Variants in CPSF2 observed in about 807,000 individuals in gnomAD.
The protein encoded by CPSF2 is cleavage and polyadenylation specific factor 2.
Under a neutral mutation model 84.2 loss-of-function variants are expected in CPSF2, and 51 were observed. The ratio of observed to expected loss-of-function variants is 0.61; its 90% confidence interval spans 0.48 to 0.77. The LOEUF is 0.77. Among genes scored for constraint, CPSF2 ranks in the 30% least tolerant of loss-of-function variants. The pLI is 0.00. For synonymous variants in CPSF2, 286 were observed against 311.9 expected (o/e 0.92, Z 0.87); for missense variants, 641 against 929.4 (o/e 0.69, Z 4.03).
intron 7 of CPSF2, among the ~76,000 whole-genome samples, 168 bp downstream of exon 7, chr14:92,138,515 C>T (rs1266728054): frequency 1.3e-5 from 2 of 151,928 alleles, no homozygotes; most frequent in African/African-American, 2.4e-5. Context: ...CTGTAACTTC[C>T]GCCTCCTGGG....
chr14:92,148,236 A>G (rs991842054), intron 9 of CPSF2, among the ~76,000 whole-genome samples: 12 of 152,214 alleles, frequency 7.9e-5, no homozygotes, highest in African/African-American at 2.7e-4. Context: ...AGATTCCCCA[A>G]TTGTCAACAT....
chr14:92,142,415 G>T (rs1294563196), intron 8 of CPSF2, 64 bp downstream of exon 8: 5 of 1,260,916 alleles, frequency 4.0e-6, no homozygotes, highest in Non-Finnish European at 5.5e-6. Context: ...GGAAGTGGGC[G>T]TCTTAAATGT....
intron 9 of CPSF2, among the ~76,000 whole-genome samples, chr14:92,146,251 G>A (rs2069142604): frequency 6.6e-6 from 1 of 152,230 alleles, no homozygotes; most frequent in Non-Finnish European, 1.5e-5. Context: ...GCTGGGCGTG[G>A]TGGCTCACGC....
chr14:92,133,174 C>G (rs1240225555), intron 3 of CPSF2, among the ~76,000 whole-genome samples: 1 of 152,102 alleles, frequency 6.6e-6, no homozygotes, highest in Non-Finnish European at 1.5e-5. Context: ...AATCTCAGCA[C>G]TTTGGGAGGC....
At chr14:92,139,530 T>C (rs575188625) in intron 7 of CPSF2, among the ~76,000 whole-genome samples, 1 of 151,438 alleles carries the variant, frequency 6.6e-6, no homozygotes, top group Non-Finnish European at 1.5e-5. Flanking sequence ...GCTTGCTTCA[T>C]CTTACATTCT....
At chr14:92,122,523 G>A (rs1378160348) in intron 1 of CPSF2, among the ~76,000 whole-genome samples, 1 of 152,196 alleles carries the variant, frequency 6.6e-6, no homozygotes, top group African/African-American at 2.4e-5. Flanking sequence ...TGGGTTGAGA[G>A]ACCACGAGGT....
Position 92,161,744 on chromosome 14 carries a change from A to T in CPSF2, c.2349A>T (p.Ter783TyrextTer3), listed in dbSNP as rs1567027897. ...DLLYEQYAIV[*>Y] is the part of the protein sequence containing the mutation. ...TATATGAACAATATGCCATTGTATA[A>T]AGGACATGATGTCAAGAAGTATCTG... The change falls in exon 16 of 16, where the codon TAA becomes TAT. Residue 783 changes from the stop codon to tyrosine (Y), a stop_lost. Coordinates refer to ENST00000298875, the MANE Select transcript of CPSF2 (RefSeq NM_017437.3). 3 of 1,524,184 alleles carry T rather than the reference A, an allele frequency of 2.0e-6. No homozygotes were observed. The highest frequency in any genetic ancestry group is 2.7e-6 in the Non-Finnish European group (3 of 1,120,678). The allele number at this position is 1,524,184 out of a possible 1,614,324, so 94.4% of individuals were successfully genotyped here.
Position 92,140,686 on chromosome 14 carries a change from C to A in CPSF2, c.662-1478C>A, listed in dbSNP as rs139794747. ...TGACCTCATGATCTGCCTGCCTTGG[C>A]CTCCCAAAGTGCTGGGATTATAGGT... is the stretch of plus-strand genomic sequence containing the variant. On this transcript the variant is annotated intron_variant, in intron 7 of 15. Coordinates refer to ENST00000298875, the MANE Select transcript of CPSF2 (RefSeq NM_017437.3). Among the ~76,000 whole-genome samples the A allele has an allele frequency of 6.9e-3, 1,012 of 147,708 alleles. 7 individuals are homozygous for A. Among genetic ancestry groups the A allele is most frequent in the Non-Finnish European group, 0.012 (804 of 66,614 alleles).
Position 92,164,361 on chromosome 14 carries a change from A to G in CPSF2, c.*2617A>G, listed in dbSNP as rs1567029473. The G allele has an allele frequency of 6.6e-6, 1 of 152,246 alleles. No individual in the cohort carries two copies. Among genetic ancestry groups the G allele is most frequent in the Non-Finnish European group, 1.5e-5 (1 of 68,042 alleles). 9.4% of individuals were successfully genotyped at this position (152,246 alleles called of 1,614,324 possible). A position where few individuals can be genotyped will look rare whatever the true frequency, so the allele number is the denominator to read the frequency against. Reference sequence around the variant, plus strand: ...CTAAATAATAATCATTGCAAGAGCAATACTTTTACCTGTTTCTAGATGACA... The same window carrying G: ...CTAAATAATAATCATTGCAAGAGCAGTACTTTTACCTGTTTCTAGATGACA... On this transcript the variant is annotated 3_prime_UTR_variant, in exon 16 of 16. Transcript: ENST00000298875.
At position 92,134,155 on chromosome 14, in the gene CPSF2, G is replaced by A. The variant is rs772767378; in HGVS notation, c.294G>A (p.Met98Ile). 1.9e-6 allele frequency: 3 copies of A among 1,613,974 alleles called. No individual in the cohort carries two copies. The highest frequency in any genetic ancestry group is 2.5e-6 in the Non-Finnish European group (3 of 1,180,008). The change falls in exon 4 of 16, where the codon ATG (methionine) becomes ATA (isoleucine). Residue 98 changes from methionine (M) to isoleucine (I), a missense_variant. This residue lies in a region of CPSF2 where 211 missense variants were observed against 375.7 expected (regional missense o/e 0.56). Transcript: ENST00000298875. ...IPVYKMGQMF[M>I]YDLYQSRHNT... ...TTTATAAAATGGGACAGATGTTCAT[G>A]TATGATCTTTATCAGGTAATTTAAG...
At chr14:92,155,372 C>A (rs1436135714) in intron 11 of CPSF2, 49 bp downstream of exon 11, 2 of 1,406,728 alleles carry the variant, frequency 1.4e-6, no homozygotes, top group African/African-American at 2.8e-5. Flanking sequence ...GAGGTATTAA[C>A]TGTGTTATCA....
At position 92,165,609 on chromosome 14, in the gene CPSF2, AATTT is replaced by A. The variant is rs1426526105; in HGVS notation, c.*3866_*3869del. The A allele has an allele frequency of 6.6e-6, 1 of 151,640 alleles. No individual in the cohort carries two copies. The highest frequency in any genetic ancestry group is 1.5e-5 in the Non-Finnish European group (1 of 67,948). The allele number at this position is 151,640 out of a possible 1,614,324, so 9.4% of individuals were successfully genotyped here. On this transcript the variant is annotated 3_prime_UTR_variant, in exon 16 of 16. Coordinates refer to ENST00000298875, the MANE Select transcript of CPSF2 (RefSeq NM_017437.3). ...CTGTTCATATCCTTTGTCCATTTTC[AATTT>A]GTTTATGTTCATATCCTTTGTCCAT... is the stretch of plus-strand genomic sequence containing the variant.
chr14:92,152,655 T>C (rs1161113893), intron 9 of CPSF2, among the ~76,000 whole-genome samples: 1 of 151,876 alleles, frequency 6.6e-6, no homozygotes, highest in East Asian at 1.9e-4. Flanking sequence ...GCCAGGCTGG[T>C]CTCGGACTCC....
chr14:92,150,498 G>C (rs2069201270), intron 9 of CPSF2, among the ~76,000 whole-genome samples: 1 of 151,812 alleles, frequency 6.6e-6, no homozygotes, highest in Non-Finnish European at 1.5e-5. Flanking sequence ...CACAATCATG[G>C]CTCACCACAT....
Position 92,165,389 on chromosome 14 carries a change from C to T in CPSF2, c.*3645C>T, listed in dbSNP as rs1567029760. On this transcript the variant is annotated 3_prime_UTR_variant, in exon 16 of 16. Transcript: ENST00000298875. ...AAGTGGCTACAACATTTTGCATTTC[C>T]ACCAGCATGTGTTTGAGGGTTCCAT... is the stretch of plus-strand genomic sequence containing the variant. 6.6e-6 allele frequency: 1 copy of T among 152,076 alleles called. No individual in the cohort carries two copies. The highest frequency in any genetic ancestry group is 2.4e-5 in the African/African-American group (1 of 41,416). 9.4% of individuals were successfully genotyped at this position (152,076 alleles called of 1,614,324 possible). A position where few individuals can be genotyped will look rare whatever the true frequency, so the allele number is the denominator to read the frequency against.
chr14:92,151,669 G>C (rs147160890), intron 9 of CPSF2, among the ~76,000 whole-genome samples: 1 of 152,280 alleles, frequency 6.6e-6, no homozygotes, highest in East Asian at 1.9e-4. Flanking sequence ...GCAAGAGACT[G>C]AATGGAGAAG....
At chr14:92,127,799 C>T (rs2068861660) in intron 2 of CPSF2, among the ~76,000 whole-genome samples, 1 of 152,188 alleles carries the variant, frequency 6.6e-6, no homozygotes, top group African/African-American at 2.4e-5. Context: ...CAGGACTATT[C>T]TATACAACAG....
At chr14:92,154,111 A>C (rs935558729) in intron 9 of CPSF2, 2 of 288,314 alleles carry the variant, frequency 6.9e-6, no homozygotes, top group South Asian at 5.9e-5. Flanking sequence ...GGTGTGAGCT[A>C]CTGTGCCTGG....
In CPSF2 at chr14:92,142,130, C is replaced by G. The variant is rs142285271; in HGVS notation, c.662-34C>G. On this transcript the variant is annotated intron_variant, in intron 7 of 15. Coordinates refer to ENST00000298875, the MANE Select transcript of CPSF2 (RefSeq NM_017437.3). ...TTAATTTTGTAGCATAGTATTGTTA[C>G]GTTCTATGGGGATTTTACATTCTTG... The G allele has an allele frequency of 3.5e-5, 51 of 1,475,908 alleles. No individual in the cohort carries two copies. The East Asian group carries it at 1.0e-3, about 30-fold the overall frequency. 91.4% of individuals were successfully genotyped at this position (1,475,908 alleles called of 1,614,324 possible). A position where few individuals can be genotyped will look rare whatever the true frequency, so the allele number is the denominator to read the frequency against.
Sources: allele counts gnomAD v4.1 joint callset (sites outside exome capture counted in the v4.1 genomes callset), GRCh38; gene constraint gnomAD v4.1.1; regional missense constraint gnomAD v4.1.1; transcripts MANE v1.5; gene names NCBI Gene and HGNC (gene_info 2026-07-23, HGNC 2026-07-21).